The following ADK variants were observed in gnomAD, a reference collection of about 807,000 sequenced individuals.
ADK encodes the protein N6,N6-dimethyladenosine kinase.
A neutral mutation model predicts 44.7 loss-of-function variants in ADK; 24 were observed. The ratio of observed to expected loss-of-function variants is 0.54; its 90% CI spans 0.39 to 0.76. The LOEUF (loss-of-function observed/expected upper bound fraction) is 0.76, where lower values mean the gene tolerates loss of function less well. Ranked by LOEUF, ADK falls within the 30% of genes least tolerant of loss-of-function variation. The pLI is 0.00. For synonymous variants in ADK, 128 were observed against 142.6 expected (o/e 0.90, Z 0.73); for missense variants, 321 against 425.1 (o/e 0.76, Z 2.15).
At chr10:74,292,216 A>G (rs1839648982) in intron 3 of ADK, among the ~76,000 whole-genome samples, 1 of 152,138 alleles carries the variant, frequency 6.6e-6, no homozygotes, top group Non-Finnish European at 1.5e-5. Context: ...TTGCATTACA[A>G]AGATCATATG....
Position 74,660,669 on chromosome 10 carries a change from G to A in ADK, c.878-9514G>A, listed in dbSNP as rs1438404215. Among the ~76,000 whole-genome samples, 7 of 145,522 alleles carry A rather than the reference G, an allele frequency of 4.8e-5. No homozygotes were observed. In the East Asian group the frequency reaches 1.5e-3, roughly 31 times the overall value. On this transcript the variant is annotated intron_variant, in intron 9 of 10. Transcript: ENST00000539909. ...CACTTGAGCCAGGGAAGTTGAGGTT[G>A]CAGTGAGCCGAGATTGCACCACTGC...
intron 9 of ADK, among the ~76,000 whole-genome samples, chr10:74,619,490 A>G (rs754241113): frequency 1.1e-4 from 16 of 152,024 alleles, no homozygotes; most frequent in Non-Finnish European, 2.2e-4. Context: ...CTTTATTTCA[A>G]TAGTCCCTTT....
At chr10:74,491,895 T>G (rs34149159) in intron 6 of ADK, among the ~76,000 whole-genome samples, 3,320 of 152,332 alleles carry the variant, frequency 0.022, 57 homozygotes, top group Non-Finnish European at 0.038. Context: ...TGAATCTCAG[T>G]TCTACTACTT....
intron 7 of ADK, 39 bp from the exon 8 acceptor site, chr10:74,589,243 C>T (rs370653630): frequency 1.9e-6 from 3 of 1,592,412 alleles, no homozygotes; most frequent in African/African-American, 1.3e-5. Context: ...CATTACCGAG[C>T]ACTTTATAAT....
intron 1 of ADK, among the ~76,000 whole-genome samples, chr10:74,185,618 G>GTCA (rs1402414698): frequency 2.0e-5 from 3 of 150,448 alleles, no homozygotes; most frequent in Non-Finnish European, 4.4e-5. Context: ...AGATCACGAG[G>GTCA]TCAGGAGATC....
At chr10:74,503,128 A>G (rs1330296749) in intron 6 of ADK, among the ~76,000 whole-genome samples, 4 of 152,206 alleles carry the variant, frequency 2.6e-5, no homozygotes, top group Admixed American at 6.5e-5. Context: ...ACGCTACAAT[A>G]GCAGAGTTGA....
intron 7 of ADK, among the ~76,000 whole-genome samples, chr10:74,582,630 CTG>C (rs1260780381): frequency 6.6e-6 from 1 of 151,688 alleles, no homozygotes; most frequent in African/African-American, 2.4e-5. Context: ...ATTTTTTTGC[CTG>C]TGTTTTGGCT....
intron 9 of ADK, among the ~76,000 whole-genome samples, chr10:74,606,619 T>A (rs543177832): frequency 3.3e-5 from 5 of 152,302 alleles, no homozygotes; most frequent in African/African-American, 1.2e-4. Context: ...ATGATTTCCA[T>A]TATTTTGCAT....
At chr10:74,461,797 G>T (rs1353843548) in intron 6 of ADK, among the ~76,000 whole-genome samples, 24 of 151,966 alleles carry the variant, frequency 1.6e-4, no homozygotes, top group Admixed American at 1.4e-3. Context: ...TTAGTTTCTT[G>T]ACTAGTAATG....
chr10:74,328,949 A>T lies in ADK; in HGVS notation c.273+14204A>T, dbSNP rs1386639862. On this transcript the variant is annotated intron_variant, in intron 4 of 10. Transcript: ENST00000539909. Reference sequence around the variant, plus strand: ...GGGTAGTCGTCTTGCCACTGAGAAGATACTAATTGTGACAAGTTAATGGGT... The same window carrying T: ...GGGTAGTCGTCTTGCCACTGAGAAGTTACTAATTGTGACAAGTTAATGGGT... 3.3e-5 allele frequency among the ~76,000 whole-genome samples: 5 copies of T among 152,118 alleles called. No homozygotes were observed. The East Asian group carries it at 9.6e-4, about 29-fold the overall frequency.
intron 9 of ADK, among the ~76,000 whole-genome samples, chr10:74,638,155 G>A (rs920668890): frequency 6.6e-6 from 1 of 152,160 alleles, no homozygotes; most frequent in Non-Finnish European, 1.5e-5. Flanking sequence ...GAGTCCTGAT[G>A]TAATACACTT....
intron 4 of ADK, among the ~76,000 whole-genome samples, chr10:74,342,185 G>T (rs1186950887): frequency 6.6e-6 from 1 of 152,094 alleles, no homozygotes; most frequent in Non-Finnish European, 1.5e-5. Context: ...AATGAGTATA[G>T]CTTGGATTCT....
intron 7 of ADK, among the ~76,000 whole-genome samples, chr10:74,547,460 T>A (rs1211433186): frequency 6.9e-6 from 1 of 144,614 alleles, no homozygotes; most frequent in Non-Finnish European, 1.5e-5. Flanking sequence ...ATTTATTTAT[T>A]TATTTATTTA....
chr10:74,496,198 C>T (rs1847680909), intron 6 of ADK, among the ~76,000 whole-genome samples: 1 of 152,176 alleles, frequency 6.6e-6, no homozygotes, highest in South Asian at 2.1e-4. Flanking sequence ...CCTCTACCTC[C>T]TGGGCTCAAG....
At chr10:74,297,516 G>A (rs1839860024) in intron 3 of ADK, among the ~76,000 whole-genome samples, 1 of 152,184 alleles carries the variant, frequency 6.6e-6, no homozygotes, top group African/African-American at 2.4e-5. Flanking sequence ...GTAGCTCTCT[G>A]TAGTAGATAG....
chr10:74,363,019 C>T (rs1044435301), intron 4 of ADK, among the ~76,000 whole-genome samples: 9 of 152,152 alleles, frequency 5.9e-5, no homozygotes, highest in Non-Finnish European at 7.3e-5. Flanking sequence ...TGAGACTGTG[C>T]GTCTTTGGAA....
chr10:74,239,559 A>C (rs1410058021), intron 3 of ADK, among the ~76,000 whole-genome samples: 1 of 151,910 alleles, frequency 6.6e-6, no homozygotes, highest in Non-Finnish European at 1.5e-5. Context: ...AAAAAATTTG[A>C]AAATTAGCCA....
chr10:74,188,347 T>TAATGTATTTCTGCTC (rs1564580849), intron 1 of ADK, among the ~76,000 whole-genome samples: 2 of 142,394 alleles, frequency 1.4e-5, no homozygotes, highest in African/African-American at 5.2e-5. Flanking sequence ...TTTTTAATTT[T>TAATGTATTTCTGCTC]TTTTTTTTTT....
intron 6 of ADK, among the ~76,000 whole-genome samples, chr10:74,442,347 T>C (rs549612418): frequency 5.9e-5 from 9 of 152,106 alleles, no homozygotes; most frequent in African/African-American, 1.2e-4. Flanking sequence ...TTTTTGGATA[T>C]AAATCTAAAG....
Sources: gnomAD v4.1 joint callset for allele counts (sites outside exome capture counted in the v4.1 genomes callset) on GRCh38, gnomAD v4.1.1 for gene constraint, MANE v1.5 for transcripts, NCBI Gene and HGNC (gene_info 2026-07-23, HGNC 2026-07-21) for gene names.